Variants in CYP4A22 observed in about 807,000 individuals in gnomAD.
CYP4A22 encodes the protein cytochrome P450 4A22.
Under a neutral mutation model 56.2 loss-of-function variants are expected in CYP4A22, and 46 were observed. That is an observed-to-expected ratio of 0.82 (90% CI 0.65 to 1.05). CYP4A22 has a LOEUF of 1.05. CYP4A22 is among the 50% of genes least tolerant of loss of function. CYP4A22 has a pLI of 0.00. For synonymous variants in CYP4A22, 193 were observed against 251.1 expected (o/e 0.77, Z 2.19); for missense variants, 541 against 645.9 (o/e 0.84, Z 1.76).
At chr1:47,139,382 T>C (rs1644982032) in intron 1 of CYP4A22, among the ~76,000 whole-genome samples, 1 of 152,252 alleles carries the variant, frequency 6.6e-6, no homozygotes, top group African/African-American at 2.4e-5. Context: ...TGTAACCTAA[T>C]AGTCCCTCAG....
At chr1:47,138,934 C>T (rs1644976502) in intron 1 of CYP4A22, among the ~76,000 whole-genome samples, 1 of 152,218 alleles carries the variant, frequency 6.6e-6, no homozygotes, top group Non-Finnish European at 1.5e-5. Flanking sequence ...ATAGGGGTTG[C>T]AGGGAGCTGA....
intron 5 of CYP4A22, 27 bp from the exon 6 acceptor site, chr1:47,143,735 C>G (rs10890469): frequency 6.3e-7 from 1 of 1,583,116 alleles, no homozygotes; most frequent in Non-Finnish European, 8.6e-7. Flanking sequence ...ACCCCTACTG[C>G]GGTCTCTTCT....
intron 3 of CYP4A22, 112 bp downstream of exon 3, chr1:47,141,727 A>G: frequency 1.4e-6 from 2 of 1,383,668 alleles, no homozygotes; most frequent in Non-Finnish European, 9.9e-7. Context: ...CTCATCCCCA[A>G]ATCAAGCCTC....
At chr1:47,143,165 G>A in intron 4 of CYP4A22, 104 bp from the exon 5 acceptor site, 4 of 1,527,568 alleles carry the variant, frequency 2.6e-6, no homozygotes, top group Non-Finnish European at 3.5e-6. Flanking sequence ...ATATCTGCAA[G>A]CTACAGGAAA....
chr1:47,142,819 A>G (rs902523734), intron 4 of CYP4A22, among the ~76,000 whole-genome samples: 2 of 152,248 alleles, frequency 1.3e-5, no homozygotes, highest in Admixed American at 6.5e-5. Context: ...TTTCTCTACA[A>G]CACAGTGCCC....
chr1:47,145,814 G>A, intron 9 of CYP4A22, 52 bp from the exon 10 acceptor site: 13 of 1,611,750 alleles, frequency 8.1e-6, no homozygotes, highest in Non-Finnish European at 1.1e-5. Context: ...GAAGTACCAG[G>A]CCACCCCATG....
chr1:47,149,153 T>C lies in CYP4A22; in HGVS notation c.*356T>C, dbSNP rs1330379344. On this transcript the variant is annotated 3_prime_UTR_variant, in exon 12 of 12. Coordinates refer to ENST00000371891, the MANE Select transcript of CYP4A22 (RefSeq NM_001010969.4). Reference sequence around the variant, plus strand: ...TGTGCTGAAGGGTGGAAGGCTACCCTGACGCACCATAATCTAAGCCCGGGG... The same window carrying C: ...TGTGCTGAAGGGTGGAAGGCTACCCCGACGCACCATAATCTAAGCCCGGGG... The C allele has an allele frequency of 5.4e-6, 1 of 186,234 alleles. No individual in the cohort carries two copies. The highest frequency in any genetic ancestry group is 1.1e-5 in the Non-Finnish European group (1 of 90,434). The allele number at this position is 186,234 out of a possible 1,614,324, so 11.5% of individuals were successfully genotyped here.
intron 3 of CYP4A22, 89 bp downstream of exon 3, chr1:47,141,704 C>T: frequency 6.6e-7 from 1 of 1,505,262 alleles, no homozygotes; most frequent in South Asian, 1.2e-5. Context: ...TTAGAGGCCA[C>T]CACTATCATG....
chr1:47,143,503 T>G, intron 5 of CYP4A22, 110 bp downstream of exon 5: 1 of 1,500,584 alleles, frequency 6.7e-7, no homozygotes, highest in Non-Finnish European at 8.9e-7. Flanking sequence ...AAAGGAAGAG[T>G]CAGTCCCTGA....
At chr1:47,145,822 A>C (rs749732290) in intron 9 of CYP4A22, 44 bp from the exon 10 acceptor site, 2 of 1,612,836 alleles carry the variant, frequency 1.2e-6, no homozygotes, top group Admixed American at 3.3e-5. Context: ...AGGCCACCCC[A>C]TGCAAATGAT....
intron 11 of CYP4A22, 127 bp from the exon 12 acceptor site, chr1:47,148,475 C>T (rs943391828): frequency 2.1e-5 from 27 of 1,313,516 alleles, no homozygotes; most frequent in Admixed American, 1.5e-4. Context: ...TGTAAGTGTG[C>T]AGGGGCTGGA....
intron 11 of CYP4A22, chr1:47,147,515 T>A: frequency 1.2e-6 from 1 of 851,582 alleles, no homozygotes; most frequent in Non-Finnish European, 1.4e-6. Context: ...CATCGTTCCA[T>A]CAACCATTCT....
intron 1 of CYP4A22, 87 bp downstream of exon 1, chr1:47,137,767 T>A: frequency 6.7e-7 from 1 of 1,496,422 alleles, no homozygotes; most frequent in Non-Finnish European, 8.9e-7. Context: ...AGCAAAGCCT[T>A]GTTTTGTAAC....
intron 1 of CYP4A22, among the ~76,000 whole-genome samples, chr1:47,139,010 T>A (rs1644977676): frequency 6.6e-6 from 1 of 152,244 alleles, no homozygotes; most frequent in Non-Finnish European, 1.5e-5. Context: ...TGTGGGGACC[T>A]GACAAAGTTC....
intron 11 of CYP4A22, chr1:47,147,062 G>A (rs12029591): frequency 0.13 from 130,622 of 985,290 alleles, 9,021 homozygotes; most frequent in South Asian, 0.24. Flanking sequence ...ATCAGGAATC[G>A]TCCTGTGACA....
chr1:47,144,764 G>C (rs147000658), intron 8 of CYP4A22, 24 bp downstream of exon 8: 214,194 of 1,607,744 alleles, frequency 0.13, 12,639 homozygotes, highest in East Asian at 0.24. Flanking sequence ...CAAAAGATGG[G>C]GTTCCCTGCC....
chr1:47,138,499 G>T (rs1281905796), intron 1 of CYP4A22, among the ~76,000 whole-genome samples: 1 of 152,220 alleles, frequency 6.6e-6, no homozygotes, highest in Non-Finnish European at 1.5e-5. Flanking sequence ...ACAGCTTGAT[G>T]GTCAGCTCAG....
At chr1:47,139,390 C>T (rs146690682) in intron 1 of CYP4A22, among the ~76,000 whole-genome samples, 372 of 152,334 alleles carry the variant, frequency 2.4e-3, no homozygotes, top group African/African-American at 8.4e-3. Flanking sequence ...AATAGTCCCT[C>T]AGTAAATGAT....
At position 47,145,926 on chromosome 1, in the gene CYP4A22, T is replaced by C. The variant is rs2405599; in HGVS notation, c.1283T>C (p.Leu428Pro). 422,320 of 1,613,096 alleles carry C rather than the reference T, an allele frequency of 0.26. 62,592 individuals are homozygous for C. Among genetic ancestry groups the C allele is most frequent in the East Asian group, 0.62 (27,675 of 44,826 alleles). The change falls in exon 10 of 12, where the codon CTA becomes CCA. Residue 428 changes from leucine (L) to proline (P), a missense_variant. Leu to Pro is a moderately conservative substitution (Grantham distance 98, BLOSUM62 -3). This residue lies in a region of CYP4A22 where 204 missense variants were observed against 258.9 expected (regional missense o/e 0.79). Coordinates refer to ENST00000371891, the MANE Select transcript of CYP4A22 (RefSeq NM_001010969.4). Reference protein sequence around the residue: ...LHHNPKVWPNLEVFDPSRFAP... With the variant: ...LHHNPKVWPNPEVFDPSRFAP... ...CACAACCCAAAAGTGTGGCCCAACC[T>C]AGAGGTATGTGGTCCTTGAGAGGAG... is the stretch of plus-strand genomic sequence containing the variant.
Sources: gnomAD v4.1 joint callset for allele counts (sites outside exome capture counted in the v4.1 genomes callset) on GRCh38, gnomAD v4.1.1 for gene constraint, gnomAD v4.1.1 regional missense constraint, MANE v1.5 for transcripts, NCBI Gene and HGNC (gene_info 2026-07-23, HGNC 2026-07-21) for gene names.